The following PPARGC1A variants were observed in gnomAD, a reference collection of about 807,000 sequenced individuals.
The protein encoded by PPARGC1A is peroxisome proliferator-activated receptor gamma coactivator 1-alpha.
Under a neutral mutation model 88.7 loss-of-function variants are expected in PPARGC1A, and 25 were observed. The observed-to-expected ratio is 0.28, with a 90% CI of 0.21 to 0.39. The LOEUF (loss-of-function observed/expected upper bound fraction) is 0.39, where lower values mean the gene tolerates loss of function less well. PPARGC1A is among the 10% of genes least tolerant of loss of function. The pLI, the probability that PPARGC1A is intolerant of heterozygous loss-of-function variation, is 1.00. For synonymous variants in PPARGC1A, 363 were observed against 355.6 expected, an observed-to-expected ratio of 1.02 and a Z score of -0.24; for missense variants, 880 against 968.7, an observed-to-expected ratio of 0.91 and a Z score of 1.22.
chr4:23,959,278 C>T, the PPARGC1A span, among the ~76,000 whole-genome samples: 1 of 152,122 alleles, frequency 6.6e-6, no homozygotes, highest in Non-Finnish European at 1.5e-5. Flanking sequence ...AACACCTGGT[C>T]AGATAAAAAT....
chr4:23,799,452 G>A (rs889809569), intron 12 of PPARGC1A, among the ~76,000 whole-genome samples: 10 of 152,206 alleles, frequency 6.6e-5, no homozygotes, highest in African/African-American at 2.2e-4. Context: ...AACTGAAGGG[G>A]TTGAATTCTT....
At chr4:24,175,709 T>G in the PPARGC1A span, among the ~76,000 whole-genome samples, 1 of 151,966 alleles carries the variant, frequency 6.6e-6, no homozygotes, top group East Asian at 1.9e-4. Flanking sequence ...TTGTTTATCC[T>G]TTTGTTGCTT....
chr4:24,387,818 A>AAGAAAGAGAGAAAGAG, the PPARGC1A span, among the ~76,000 whole-genome samples: 9 of 81,088 alleles, frequency 1.1e-4, no homozygotes, highest in African/African-American at 4.3e-4. Flanking sequence ...GAAAGAAAGA[A>AAGAAAGAGAGAAAGAG]AGAAAGAGAG....
At chr4:24,035,755 A>G in the PPARGC1A span, among the ~76,000 whole-genome samples, 1 of 152,104 alleles carries the variant, frequency 6.6e-6, no homozygotes, top group African/African-American at 2.4e-5. Flanking sequence ...TATTAAGACA[A>G]AGGTAACTGG....
rs551567006 is a variant in PPARGC1A at position 23,852,575 on chromosome 4, C to A, written c.235-20824G>T. On this transcript the variant is annotated intron_variant, in intron 2 of 12. Transcript: ENST00000264867. The stretch of plus-strand genomic sequence containing the variant: ...ATTGTCGTTTTAAAAATCCACCCTC[C>A]CCCATTTTTCTACCTCCACATTTTG... 3.9e-5 allele frequency among the ~76,000 whole-genome samples: 6 copies of A among 152,176 alleles called. No homozygotes were observed. In the South Asian group the frequency reaches 1.2e-3, roughly 32 times the overall value.
chr4:24,161,685 C>T, the PPARGC1A span, among the ~76,000 whole-genome samples: 1 of 152,172 alleles, frequency 6.6e-6, no homozygotes, highest in African/African-American at 2.4e-5. Context: ...AGCTAAGCTT[C>T]CTACGTAGTT....
At chr4:24,429,163 A>C in the PPARGC1A span, among the ~76,000 whole-genome samples, 1 of 152,174 alleles carries the variant, frequency 6.6e-6, no homozygotes, top group Non-Finnish European at 1.5e-5. Context: ...CTCAGACGTG[A>C]GCTGTGTGCG....
At chr4:24,041,551 T>A in the PPARGC1A span, among the ~76,000 whole-genome samples, 1 of 152,200 alleles carries the variant, frequency 6.6e-6, no homozygotes, top group Non-Finnish European at 1.5e-5. Context: ...GTATGTGCCA[T>A]CTGCTACCTG....
At chr4:23,928,493 T>C in the PPARGC1A span, among the ~76,000 whole-genome samples, 39 of 152,258 alleles carry the variant, frequency 2.6e-4, no homozygotes, top group African/African-American at 9.1e-4. Flanking sequence ...GCTTTTATAC[T>C]GTTGGTGGGA....
the PPARGC1A span, among the ~76,000 whole-genome samples, chr4:24,399,652 A>G: frequency 2.6e-5 from 4 of 152,208 alleles, no homozygotes; most frequent in Admixed American, 2.6e-4. Flanking sequence ...TTTTTATTAA[A>G]TATTTATATT....
chr4:24,432,334 A>G, the PPARGC1A span, among the ~76,000 whole-genome samples: 1 of 152,112 alleles, frequency 6.6e-6, no homozygotes, highest in African/African-American at 2.4e-5. Flanking sequence ...TCTGTGAAAG[A>G]TGAGGGAAGA....
At chr4:23,994,263 G>A in the PPARGC1A span, among the ~76,000 whole-genome samples, 1 of 152,150 alleles carries the variant, frequency 6.6e-6, no homozygotes, top group Non-Finnish European at 1.5e-5. Context: ...GAGCAGACTT[G>A]AAATGTTCTG....
chr4:23,962,114 C>T, the PPARGC1A span, among the ~76,000 whole-genome samples: 1 of 149,364 alleles, frequency 6.7e-6, no homozygotes, highest in Non-Finnish European at 1.5e-5. Context: ...CCCCTCTTCT[C>T]ATCTTTTTAT....
At chr4:24,162,517 A>G in the PPARGC1A span, among the ~76,000 whole-genome samples, 1 of 151,652 alleles carries the variant, frequency 6.6e-6, no homozygotes, top group African/African-American at 2.4e-5. Flanking sequence ...TATTGGCTAT[A>G]TTGAAGAATC....
the PPARGC1A span, among the ~76,000 whole-genome samples, chr4:24,387,866 AAGGAAGAAAG>A: frequency 0.07 from 8,835 of 126,142 alleles, 790 homozygotes; most frequent in East Asian, 0.14. Context: ...GAAAGAGAGA[AAGGAAGAAAG>A]AGAAAGAAAG....
At chr4:23,947,743 G>T in the PPARGC1A span, among the ~76,000 whole-genome samples, 1 of 152,044 alleles carries the variant, frequency 6.6e-6, no homozygotes. Flanking sequence ...CAGGTTCCTG[G>T]CTTTGTCCAT....
the PPARGC1A span, among the ~76,000 whole-genome samples, chr4:24,058,841 A>T: frequency 6.6e-6 from 1 of 152,170 alleles, no homozygotes; most frequent in Non-Finnish European, 1.5e-5. Flanking sequence ...GCTACTAGGG[A>T]GGCTGAGGCA....
the PPARGC1A span, among the ~76,000 whole-genome samples, chr4:24,205,016 G>A: frequency 6.6e-6 from 1 of 152,034 alleles, no homozygotes; most frequent in Admixed American, 6.5e-5. Context: ...GTAGAGATGG[G>A]GTTTCATCAT....
the PPARGC1A span, among the ~76,000 whole-genome samples, chr4:24,435,341 C>T: frequency 1.3e-5 from 2 of 152,220 alleles, no homozygotes; most frequent in Non-Finnish European, 2.9e-5. Context: ...CCTCCAGTTG[C>T]ACTGGCATTT....
Sources: gnomAD v4.1 joint callset for allele counts (sites outside exome capture counted in the v4.1 genomes callset) on GRCh38, gnomAD v4.1.1 for gene constraint, MANE v1.5 for transcripts, NCBI Gene and HGNC (gene_info 2026-07-23, HGNC 2026-07-21) for gene names.